HDHD5: variants seen among roughly 807,000 people sequenced by gnomAD.
HDHD5 encodes haloacid dehalogenase like hydrolase domain containing 5, also known as haloacid dehalogenase-like hydrolase domain-containing 5.
A neutral mutation model predicts 35.5 loss-of-function variants in HDHD5; 34 were observed. The ratio of observed to expected loss-of-function variants is 0.96; its 90% CI spans 0.73 to 1.28. HDHD5 has a LOEUF of 1.28. Among genes scored for constraint, HDHD5 ranks in the 50% most tolerant of loss-of-function variants. HDHD5 has a pLI of 0.00. For missense variants in HDHD5, 589 were observed against 560.2 expected (o/e 1.05, Z -0.52); for synonymous variants, 248 against 240.6 (o/e 1.03, Z -0.29).
intron 1 of HDHD5, among the ~76,000 whole-genome samples, chr22:17,156,906 C>T (rs1325433738): frequency 6.6e-6 from 1 of 151,724 alleles, no homozygotes; most frequent in Non-Finnish European, 1.5e-5. Context: ...AGTGAAACCC[C>T]GTCTCTACTA....
chr22:17,159,520 T>G (rs755383421), upstream of HDHD5: 9 of 443,138 alleles, frequency 2.0e-5, no homozygotes, highest in South Asian at 4.8e-5. Context: ...GGCGGCGGCG[T>G]CCGTACTATC....
At position 17,157,085 on chromosome 22, in the gene HDHD5, T is replaced by TACACACACACACACACACACACAC. The variant is rs58807817; in HGVS notation, c.126+2017_126+2040dup. On this transcript the variant is annotated intron_variant, in intron 1 of 7. Coordinates refer to ENST00000336737, the MANE Select transcript of HDHD5 (RefSeq NM_033070.3). ...AGAGCTAGACACCGTCTCACACACATACACACACACACACACACACACACA... is the reference window on the plus strand; with the variant it reads ...AGAGCTAGACACCGTCTCACACACATACACACACACACACACACACACACACACACACACACACACACACACACA... Among the ~76,000 whole-genome samples the TACACACACACACACACACACACAC allele has an allele frequency of 6.9e-3, 993 of 143,752 alleles. 8 individuals are homozygous for TACACACACACACACACACACACAC. Among genetic ancestry groups the TACACACACACACACACACACACAC allele is most frequent in the Non-Finnish European group, 9.2e-3 (609 of 66,478 alleles). 94.3% of individuals were successfully genotyped at this position (143,752 alleles called of 152,430 possible). A position where few individuals can be genotyped will look rare whatever the true frequency, so the allele number is the denominator to read the frequency against.
At chr22:17,160,683 T>C (rs2061857615), upstream of HDHD5, among the ~76,000 whole-genome samples, 1 of 150,824 alleles carries the variant, frequency 6.6e-6, no homozygotes, top group Non-Finnish European at 1.5e-5. Flanking sequence ...AATAATAAAA[T>C]GAAGAAGTAG....
At chr22:17,156,898 T>C (rs926783888) in intron 1 of HDHD5, among the ~76,000 whole-genome samples, 57 of 150,832 alleles carry the variant, frequency 3.8e-4, no homozygotes, top group Admixed American at 1.9e-3. Flanking sequence ...GCCAACACAG[T>C]GAAACCCCGT....
chr22:17,162,407 C>A (rs535807363), upstream of HDHD5, among the ~76,000 whole-genome samples: 1 of 152,314 alleles, frequency 6.6e-6, no homozygotes, highest in South Asian at 2.1e-4. Context: ...TGTTATTAAT[C>A]TTCAGGAGTT....
chr22:17,141,450 C>T, intron 5 of HDHD5: 1 of 1,355,702 alleles, frequency 7.4e-7, no homozygotes, highest in Non-Finnish European at 9.4e-7. Context: ...TGAGGGCTCC[C>T]ATTCTGACTT....
upstream of HDHD5, among the ~76,000 whole-genome samples, chr22:17,160,282 G>A (rs1568955629): frequency 6.6e-6 from 1 of 152,050 alleles, no homozygotes; most frequent in Non-Finnish European, 1.5e-5. Context: ...GAAGGTCAAG[G>A]TGGGAGGAAA....
chr22:17,158,236 G>A (rs573460650), intron 1 of HDHD5, among the ~76,000 whole-genome samples: 128 of 152,146 alleles, frequency 8.4e-4, no homozygotes, highest in African/African-American at 2.9e-3. Flanking sequence ...CAGAAGAATC[G>A]CTTGAACCCG....
At chr22:17,148,199 A>C (rs1421880346) in intron 3 of HDHD5, among the ~76,000 whole-genome samples, 1 of 152,190 alleles carries the variant, frequency 6.6e-6, no homozygotes, top group Non-Finnish European at 1.5e-5. Flanking sequence ...GCTCCAGCGC[A>C]GATACCCTGG....
chr22:17,145,389 A>AG (rs937097577), intron 3 of HDHD5, among the ~76,000 whole-genome samples: 1 of 152,208 alleles, frequency 6.6e-6, no homozygotes, highest in African/African-American at 2.4e-5. Context: ...GGCACAGCCT[A>AG]GGGGGCAAAG....
In HDHD5 at chr22:17,137,648, T is replaced by TAGATC; in HGVS notation, c.*372_*373insGATCT. ...ACACTCTGCCGACAGGCTGCATGCCTTCAGTGCCGGCAAAGGCTCTGCACA... is the reference window on the plus strand; with the variant it reads ...ACACTCTGCCGACAGGCTGCATGCCTAGATCTCAGTGCCGGCAAAGGCTCTGCACA... On this transcript the variant is annotated 3_prime_UTR_variant, in exon 8 of 8. Transcript: ENST00000336737. 5.0e-6 allele frequency: 1 copy of TAGATC among 198,594 alleles called. No individual in the cohort carries two copies. Among genetic ancestry groups the TAGATC allele is most frequent in the Admixed American group, 5.5e-5 (1 of 18,084 alleles). The allele number at this position is 198,594 out of a possible 1,614,324, so 12.3% of individuals were successfully genotyped here. A position where few individuals can be genotyped will look rare whatever the true frequency, so the allele number is the denominator to read the frequency against.
chr22:17,162,576 T>C (rs2061870117), upstream of HDHD5, among the ~76,000 whole-genome samples: 4 of 152,342 alleles, frequency 2.6e-5, no homozygotes, highest in South Asian at 8.3e-4. Context: ...TTTGTTTGTC[T>C]GTTTGTTTCG....
intron 1 of HDHD5, among the ~76,000 whole-genome samples, chr22:17,155,700 T>C (rs1345892349): frequency 6.6e-6 from 1 of 152,284 alleles, no homozygotes; most frequent in Non-Finnish European, 1.5e-5. Flanking sequence ...AGGCACCCAG[T>C]ACCATAAAAA....
chr22:17,165,151 C>T, intron 1 of HDHD5: 2 of 749,868 alleles, frequency 2.7e-6, no homozygotes, highest in Non-Finnish European at 5.0e-6. Context: ...GAAAATGGGA[C>T]TTCTGTTAAT....
chr22:17,155,324 C>T (rs1174756080), intron 1 of HDHD5, among the ~76,000 whole-genome samples: 1 of 150,986 alleles, frequency 6.6e-6, no homozygotes, highest in African/African-American at 2.4e-5. Flanking sequence ...CGACTCACTA[C>T]AACCTCTGCC....
At position 17,138,328 on chromosome 22, in the gene HDHD5, G is replaced by T. The variant is rs1233859764; in HGVS notation, c.965C>A (p.Ala322Asp). Residue 322 changes from alanine to aspartate, a missense_variant, in exon 8 of 8, where the codon GCC becomes GAC. Ala to Asp is a moderately radical substitution (Grantham distance 126). Transcript: ENST00000336737. ...GDNPMSDVYG[A>D]NLFHQYLQKA... is the part of the protein sequence containing the mutation. Reference sequence around the variant, plus strand: ...CTGCAGGTACTGGTGGAACAGGTTGGCGCCGTATACGTCAGACATAGGGTT... The same window carrying T: ...CTGCAGGTACTGGTGGAACAGGTTGTCGCCGTATACGTCAGACATAGGGTT... 6.2e-7 allele frequency: 1 copy of T among 1,614,032 alleles called. No individual in the cohort carries two copies. Among genetic ancestry groups the T allele is most frequent in the South Asian group, 1.1e-5 (1 of 91,084 alleles).
Position 17,138,109 on chromosome 22 carries a change from G to A in HDHD5, c.1184C>T (p.Pro395Leu), listed in dbSNP as rs998517726. 4.3e-6 allele frequency: 7 copies of A among 1,614,140 alleles called. No individual in the cohort carries two copies. The highest frequency in any genetic ancestry group is 5.9e-6 in the Non-Finnish European group (7 of 1,180,028). The change falls in exon 8 of 8, where the codon CCA becomes CTA. Residue 395 changes from proline to leucine, a missense_variant. By Grantham distance (98) the Pro-to-Leu change is moderately conservative. Transcript: ENST00000336737. Reference sequence around the variant, plus strand: ...CACGTGGGAGGCCTCCATGAGCCCTGGACTGAAGCATAAGTCTCGGTGCCC... The same window carrying A: ...CACGTGGGAGGCCTCCATGAGCCCTAGACTGAAGCATAAGTCTCGGTGCCC... ...FHGHRDLCFS[P>L]GLMEASHVVN...
At chr22:17,139,974 C>T (rs1327944642) in intron 6 of HDHD5, among the ~76,000 whole-genome samples, 1 of 152,212 alleles carries the variant, frequency 6.6e-6, no homozygotes, top group African/African-American at 2.4e-5. Context: ...AGAGACATAA[C>T]CAACCAAGCC....
At chr22:17,144,908 G>T in intron 4 of HDHD5, 116 bp downstream of exon 4, 1 of 1,268,372 alleles carries the variant, frequency 7.9e-7, no homozygotes, top group Non-Finnish European at 1.1e-6. Context: ...TGCCTCCAAA[G>T]AAGCATGGAC....
Sources: allele counts gnomAD v4.1 joint callset (sites outside exome capture counted in the v4.1 genomes callset), GRCh38; gene constraint gnomAD v4.1.1; transcripts MANE v1.5; gene names NCBI Gene and HGNC (gene_info 2026-07-23, HGNC 2026-07-21).